The following CPLANE1 variants were observed in gnomAD, a reference collection of about 807,000 sequenced individuals.
CPLANE1 encodes ciliogenesis and planar polarity effector 1.
In CPLANE1, 263 loss-of-function variants were observed where a neutral mutation model predicts 362.5. That is an observed-to-expected ratio of 0.73 (90% CI 0.66 to 0.80). CPLANE1 has a LOEUF of 0.80. Among genes scored for constraint, CPLANE1 ranks in the 30% least tolerant of loss-of-function variants. CPLANE1 has a pLI of 0.00. For missense variants in CPLANE1, 3,461 were observed against 3,793.4 expected (o/e 0.91, Z 2.30); for synonymous variants, 1,212 against 1,302.6 (o/e 0.93, Z 1.50).
chr5:37,149,451 T>C (rs1162767131), intron 42 of CPLANE1, among the ~76,000 whole-genome samples: 1 of 152,220 alleles, frequency 6.6e-6, no homozygotes, highest in Non-Finnish European at 1.5e-5. Context: ...AATCTGCACA[T>C]GTTCAGTACA....
intron 46 of CPLANE1, among the ~76,000 whole-genome samples, chr5:37,134,629 T>A (rs1767029693): frequency 6.6e-6 from 1 of 152,190 alleles, no homozygotes. Context: ...TTTTTGGTTC[T>A]CGATTTTGTT....
the CPLANE1 span, among the ~76,000 whole-genome samples, chr5:37,098,196 A>AGCCTG: frequency 3.3e-5 from 5 of 151,914 alleles, no homozygotes; most frequent in African/African-American, 9.7e-5. Flanking sequence ...GTTCGAGACC[A>AGCCTG]GCCTGGCCAA....
At chr5:37,210,108 T>G in intron 16 of CPLANE1, 1 of 864,774 alleles carries the variant, frequency 1.2e-6, no homozygotes, top group Non-Finnish European at 2.0e-6. Context: ...CCAGAATGAT[T>G]TTGAGAAAGC....
In CPLANE1 at chr5:37,173,915, G is replaced by A; in HGVS notation, c.6011C>T (p.Ser2004Phe). The A allele has an allele frequency of 6.2e-7, 1 of 1,614,066 alleles. No homozygotes were observed. The highest frequency in any genetic ancestry group is 8.5e-7 in the Non-Finnish European group (1 of 1,180,000). The part of the protein sequence containing the change: ...AQISTYKEKS[S>F]SVPLLISNGV... Reference sequence around the variant, plus strand: ...ATTTGATATCAGAAGTGGAACTGAGGAAGATTTTTCTTTATATGTAGAAAT... The same window carrying A: ...ATTTGATATCAGAAGTGGAACTGAGAAAGATTTTTCTTTATATGTAGAAAT... The change falls in exon 32 of 53, where the codon TCC (serine) becomes TTC (phenylalanine). Residue 2004 changes from serine to phenylalanine, a missense_variant. Ser to Phe is a radical substitution (Grantham distance 155). This residue lies in a region of CPLANE1 where 3,380 missense variants were observed against 3,666.1 expected (regional missense o/e 0.92). Coordinates refer to ENST00000651892, the MANE Select transcript of CPLANE1 (RefSeq NM_001384732.1).
chr5:37,151,649 C>T (rs1164682732), intron 42 of CPLANE1, among the ~76,000 whole-genome samples: 3 of 152,160 alleles, frequency 2.0e-5, no homozygotes, highest in African/African-American at 7.2e-5. Context: ...ACTAAACTAG[C>T]TCAAAAGGCA....
intron 44 of CPLANE1, chr5:37,139,873 A>C (rs1769134743): frequency 1.0e-6 from 1 of 985,632 alleles, no homozygotes; most frequent in Non-Finnish European, 1.2e-6. Context: ...TACTTTTTCT[A>C]TCCTGAGTAC....
chr5:37,245,297 C>A (rs1581061192), intron 4 of CPLANE1, among the ~76,000 whole-genome samples, 182 bp downstream of exon 4: 2 of 59,702 alleles, frequency 3.3e-5, no homozygotes, highest in African/African-American at 5.5e-5. Flanking sequence ...ATAACCAAAA[C>A]TATATATATA....
intron 16 of CPLANE1, chr5:37,212,450 T>C (rs1023456861): frequency 1.4e-6 from 1 of 719,528 alleles, no homozygotes; most frequent in Non-Finnish European, 2.6e-6. Context: ...CCTTTGTAAA[T>C]GTTTCTCTAT....
At chr5:37,227,163 T>G in intron 11 of CPLANE1, 80 bp downstream of exon 11, 2 of 1,512,138 alleles carry the variant, frequency 1.3e-6, no homozygotes, top group Non-Finnish European at 1.8e-6. Flanking sequence ...TCTCTTCCCT[T>G]TAACAAGAGA....
intron 46 of CPLANE1, among the ~76,000 whole-genome samples, chr5:37,135,307 T>G (rs1767329724): frequency 6.6e-6 from 1 of 152,196 alleles, no homozygotes; most frequent in Admixed American, 6.5e-5. Flanking sequence ...GCTTCTATGA[T>G]CTGAAAGTAT....
intron 38 of CPLANE1, among the ~76,000 whole-genome samples, chr5:37,159,312 C>T (rs1435033174): frequency 6.6e-6 from 1 of 150,616 alleles, no homozygotes; most frequent in Non-Finnish European, 1.5e-5. Context: ...GGGGTTTCAC[C>T]TTGTTAGCCA....
At chr5:37,180,249 GT>G (rs369468634) in intron 27 of CPLANE1, 66 bp from the exon 28 acceptor site, 2,699 of 967,866 alleles carry the variant, frequency 2.8e-3, no homozygotes, top group Middle Eastern at 5.7e-3. Flanking sequence ...TCAGTTTTGG[GT>G]TTTTTTTTTG....
At chr5:37,087,380 C>CA in the CPLANE1 span, among the ~76,000 whole-genome samples, 1 of 152,106 alleles carries the variant, frequency 6.6e-6, no homozygotes, top group Non-Finnish European at 1.5e-5. Context: ...ATCACCGGGC[C>CA]AAAATAACAG....
At chr5:37,088,524 C>T in the CPLANE1 span, among the ~76,000 whole-genome samples, 6 of 152,098 alleles carry the variant, frequency 3.9e-5, no homozygotes, top group African/African-American at 1.2e-4. Flanking sequence ...TATATGTCCC[C>T]AATGTAGGAA....
the CPLANE1 span, among the ~76,000 whole-genome samples, chr5:37,100,274 T>C: frequency 6.6e-6 from 1 of 152,154 alleles, no homozygotes; most frequent in African/African-American, 2.4e-5. Flanking sequence ...CCATCTTGAG[T>C]TAATTTTTGT....
rs370377043 is a variant in CPLANE1 at position 37,134,966 on chromosome 5, T to C, written c.8792+3754A>G. On this transcript the variant is annotated intron_variant, in intron 46 of 52. Coordinates refer to ENST00000651892, the MANE Select transcript of CPLANE1 (RefSeq NM_001384732.1). ...GTGCCACCATGCCCAGCTAATTTTG[T>C]ATTTTTAGTAGAGATGGGGTTTCTC... 2.0e-5 allele frequency among the ~76,000 whole-genome samples: 3 copies of C among 152,100 alleles called. No homozygotes were observed. The East Asian group carries it at 5.8e-4, about 29-fold the overall frequency.
Position 37,142,498 on chromosome 5 carries a change from T to C in CPLANE1, c.8462-18A>G, listed in dbSNP as rs1770077018. 6.9e-7 allele frequency: 1 copy of C among 1,445,268 alleles called. No individual in the cohort carries two copies. The highest frequency in any genetic ancestry group is 9.2e-7 in the Non-Finnish European group (1 of 1,081,436). The allele number at this position is 1,445,268 out of a possible 1,614,324, so 89.5% of individuals were successfully genotyped here. A position where few individuals can be genotyped will look rare whatever the true frequency, so the allele number is the denominator to read the frequency against. On this transcript the variant is annotated intron_variant, in intron 43 of 52. Transcript: ENST00000651892. ...AAAACGCACTAATCCAGAGTATATATTACAATTAAAATAAAATAGTAGAGG... is the reference window on the plus strand; with the variant it reads ...AAAACGCACTAATCCAGAGTATATACTACAATTAAAATAAAATAGTAGAGG...
At position 37,206,434 on chromosome 5, in the gene CPLANE1, A is replaced by G; in HGVS notation, c.2921-9T>C. The G allele has an allele frequency of 6.7e-7, 1 of 1,495,194 alleles. No individual in the cohort carries two copies. The highest frequency in any genetic ancestry group is 9.1e-7 in the Non-Finnish European group (1 of 1,096,414). The allele number at this position is 1,495,194 out of a possible 1,614,324, so 92.6% of individuals were successfully genotyped here. A position where few individuals can be genotyped will look rare whatever the true frequency, so the allele number is the denominator to read the frequency against. ...AAGTCGAAAGGACTGCTCTGTGAGT[A>G]AATTTTTAAAAATGGATTATTACAA... On this transcript the variant is annotated splice_polypyrimidine_tract_variant and intron_variant, in intron 16 of 52. Transcript: ENST00000651892.
At chr5:37,130,853 C>G (rs1343493710) in intron 46 of CPLANE1, among the ~76,000 whole-genome samples, 1 of 152,190 alleles carries the variant, frequency 6.6e-6, no homozygotes, top group East Asian at 1.9e-4. Context: ...ATAAACAGAT[C>G]TTTCCTCCTA....
Sources: allele counts gnomAD v4.1 joint callset (sites outside exome capture counted in the v4.1 genomes callset), GRCh38; gene constraint gnomAD v4.1.1; regional missense constraint gnomAD v4.1.1; transcripts MANE v1.5; gene names NCBI Gene and HGNC (gene_info 2026-07-23, HGNC 2026-07-21).